The following ASCC3 variants were observed in gnomAD, a reference collection of about 807,000 sequenced individuals.
ASCC3 encodes the protein activating signal cointegrator 1 complex subunit 3.
In ASCC3, 158 loss-of-function variants were observed where a neutral mutation model predicts 256.3. That is an observed-to-expected ratio of 0.62 (90% CI 0.54 to 0.70). The LOEUF (loss-of-function observed/expected upper bound fraction) is 0.70, where lower values mean the gene tolerates loss of function less well. Among genes scored for constraint, ASCC3 ranks in the 30% least tolerant of loss-of-function variants. The probability of loss-of-function intolerance (pLI) is 0.00; values close to 1 mark genes in which losing one functional copy is unlikely to be tolerated. For missense variants in ASCC3, 2,259 were observed against 2,626.0 expected (o/e 0.86, Z 3.05); for synonymous variants, 948 against 883.4 (o/e 1.07, Z -1.30).
chr6:100,668,050 C>T (rs894919290), intron 14 of ASCC3, among the ~76,000 whole-genome samples: 2 of 152,008 alleles, frequency 1.3e-5, no homozygotes, highest in Non-Finnish European at 2.9e-5. Flanking sequence ...GTGCCAACTA[C>T]CTGTTTTTGT....
chr6:100,601,228 G>A (rs769385344), intron 34 of ASCC3, among the ~76,000 whole-genome samples: 2 of 151,966 alleles, frequency 1.3e-5, no homozygotes, highest in Non-Finnish European at 2.9e-5. Flanking sequence ...AATATTCATT[G>A]TAACGACTTA....
intron 3 of ASCC3, among the ~76,000 whole-genome samples, chr6:100,850,887 C>T (rs911424261): frequency 1.3e-5 from 2 of 152,044 alleles, no homozygotes; most frequent in African/African-American, 4.8e-5. Context: ...TATGGTACTT[C>T]TACAGATAAT....
intron 36 of ASCC3, among the ~76,000 whole-genome samples, chr6:100,548,978 C>T (rs1402193643): frequency 6.6e-6 from 1 of 151,778 alleles, no homozygotes; most frequent in Non-Finnish European, 1.5e-5. Context: ...CTAATAATAA[C>T]ATAAAACAAT....
intron 8 of ASCC3, among the ~76,000 whole-genome samples, chr6:100,783,410 C>G (rs1782538299): frequency 6.6e-6 from 1 of 152,166 alleles, no homozygotes; most frequent in Admixed American, 6.5e-5. Flanking sequence ...AGGACCAGAT[C>G]TGTTATTAAC....
At chr6:100,577,497 G>A (rs1269522510) in intron 36 of ASCC3, among the ~76,000 whole-genome samples, 1 of 151,992 alleles carries the variant, frequency 6.6e-6, no homozygotes, top group Non-Finnish European at 1.5e-5. Flanking sequence ...TTTGATCTGA[G>A]GCCACCGGAA....
chr6:100,757,495 AT>A (rs1781234672), intron 10 of ASCC3, among the ~76,000 whole-genome samples: 1 of 149,742 alleles, frequency 6.7e-6, no homozygotes, highest in Non-Finnish European at 1.5e-5. Flanking sequence ...ACTTTAAATC[AT>A]TCAGAAGAAA....
intron 30 of ASCC3, among the ~76,000 whole-genome samples, chr6:100,611,678 AG>A (rs967772543): frequency 2.0e-5 from 3 of 151,998 alleles, no homozygotes; most frequent in African/African-American, 7.2e-5. Context: ...TAAAGAGTAT[AG>A]TTTCTTAGCC....
At chr6:100,847,526 T>C (rs1053587279) in intron 4 of ASCC3, among the ~76,000 whole-genome samples, 6 of 152,226 alleles carry the variant, frequency 3.9e-5, no homozygotes, top group Admixed American at 1.3e-4. Context: ...ATTTTTTCTG[T>C]ATTTCCAATA....
intron 30 of ASCC3, among the ~76,000 whole-genome samples, chr6:100,617,072 T>C (rs1349265267): frequency 6.6e-6 from 1 of 152,104 alleles, no homozygotes; most frequent in Admixed American, 6.5e-5. Context: ...TGGCGCGATC[T>C]TGGCTCACTG....
intron 13 of ASCC3, 131 bp downstream of exon 13, chr6:100,715,331 G>C (rs1211504522): frequency 2.8e-6 from 2 of 719,834 alleles, no homozygotes; most frequent in Non-Finnish European, 4.7e-6. Context: ...TTAAGAATTA[G>C]AACCTCTGAG....
intron 14 of ASCC3, among the ~76,000 whole-genome samples, chr6:100,675,697 G>C: frequency 6.6e-6 from 1 of 152,056 alleles, no homozygotes. Flanking sequence ...CAGACACAAG[G>C]CTTATTACGT....
rs140299349 is a variant in ASCC3, at chr6:100,852,245, G to T, written c.242-3538C>A. 7.6e-4 allele frequency among the ~76,000 whole-genome samples: 116 copies of T among 152,232 alleles called. 1 individual carries two copies. The highest frequency in any genetic ancestry group is 2.5e-3 in the African/African-American group (102 of 41,534). ...GTCTAATTAGCCAAAGCTATCCAAG[G>T]CCCAACTTACCCTCAACAAAAATGT... On this transcript the variant is annotated intron_variant, in intron 3 of 41. Coordinates refer to ENST00000369162, the MANE Select transcript of ASCC3 (RefSeq NM_006828.4).
intron 10 of ASCC3, among the ~76,000 whole-genome samples, chr6:100,734,593 A>G (rs1189785558): frequency 6.6e-6 from 1 of 152,118 alleles, no homozygotes; most frequent in Non-Finnish European, 1.5e-5. Context: ...TATTTCATAT[A>G]AAAAAGATTA....
chr6:100,785,615 T>C (rs1769029633), intron 8 of ASCC3, among the ~76,000 whole-genome samples: 1 of 152,136 alleles, frequency 6.6e-6, no homozygotes, highest in Non-Finnish European at 1.5e-5. Context: ...TCTCACTATG[T>C]TGCCCAGGCT....
At chr6:100,539,840 C>T (rs888071711) in intron 37 of ASCC3, among the ~76,000 whole-genome samples, 3 of 151,894 alleles carry the variant, frequency 2.0e-5, no homozygotes, top group Non-Finnish European at 4.4e-5. Flanking sequence ...TTTAAATTGT[C>T]AGTCTTCCCC....
intron 37 of ASCC3, among the ~76,000 whole-genome samples, chr6:100,532,032 C>T (rs192717283): frequency 8.6e-5 from 13 of 150,684 alleles, no homozygotes; most frequent in Admixed American, 5.3e-4. Context: ...AAATGAAATT[C>T]TCTTAATTTA....
chr6:100,517,881 A>G (rs940178427), intron 38 of ASCC3, 110 bp downstream of exon 38: 3 of 1,213,780 alleles, frequency 2.5e-6, no homozygotes, highest in Middle Eastern at 2.8e-4. Context: ...AGTATTTTCC[A>G]TGTCAATAAT....
intron 13 of ASCC3, among the ~76,000 whole-genome samples, chr6:100,690,046 C>G (rs1777769827): frequency 6.6e-6 from 1 of 151,984 alleles, no homozygotes; most frequent in Non-Finnish European, 1.5e-5. Context: ...AATGTATTAA[C>G]CAAAATACAG....
At chr6:100,634,760 C>A (rs1361178868) in intron 25 of ASCC3, among the ~76,000 whole-genome samples, 1 of 151,326 alleles carries the variant, frequency 6.6e-6, no homozygotes, top group Non-Finnish European at 1.5e-5. Context: ...GTGGCACAAA[C>A]CTGTAGTCCC....
Sources: allele counts gnomAD v4.1 joint callset (sites outside exome capture counted in the v4.1 genomes callset), GRCh38; gene constraint gnomAD v4.1.1; transcripts MANE v1.5; gene names NCBI Gene and HGNC (gene_info 2026-07-23, HGNC 2026-07-21).